CAST: variants seen among roughly 807,000 people sequenced by gnomAD.
The protein encoded by CAST is MIR583 host.
A neutral mutation model predicts 119.6 loss-of-function variants in CAST; 76 were observed. The observed-to-expected ratio is 0.64, with a 90% CI of 0.53 to 0.77. The LOEUF is 0.77. Among genes scored for constraint, CAST ranks in the 30% least tolerant of loss-of-function variants. The pLI is 0.00. For missense variants in CAST, 953 were observed against 946.5 expected (o/e 1.01, Z -0.09); for synonymous variants, 319 against 331.6 (o/e 0.96, Z 0.41).
At chr5:96,679,207 T>C (rs1751050195) in intron 2 of CAST, 2 of 152,184 alleles carry the variant, frequency 1.3e-5, no homozygotes, top group Non-Finnish European at 2.9e-5. Context: ...TTTGTCATGC[T>C]GCGTTTGAAA....
intron 1 of CAST, among the ~76,000 whole-genome samples, chr5:96,589,064 T>G (rs1746915126): frequency 6.6e-6 from 1 of 152,166 alleles, no homozygotes; most frequent in South Asian, 2.1e-4. Flanking sequence ...CTTTTCAAAT[T>G]TACTACCACA....
the CAST span, among the ~76,000 whole-genome samples, chr5:96,203,380 C>G: frequency 5.9e-5 from 9 of 151,846 alleles, no homozygotes; most frequent in African/African-American, 2.2e-4. Flanking sequence ...GTCTGTGGAT[C>G]CCTTCTCAGA....
At chr5:96,307,854 A>G in the CAST span, among the ~76,000 whole-genome samples, 2 of 152,140 alleles carry the variant, frequency 1.3e-5, no homozygotes, top group Non-Finnish European at 1.5e-5. Flanking sequence ...TTTGTGGGTA[A>G]CAAGACCTTT....
chr5:96,247,281 C>G, the CAST span, among the ~76,000 whole-genome samples: 1 of 152,208 alleles, frequency 6.6e-6, no homozygotes, highest in African/African-American at 2.4e-5. Context: ...GGATTCTGGG[C>G]AGAAGTCTGG....
chr5:96,743,774 G>T (rs753714211), intron 16 of CAST: 41 of 1,365,576 alleles, frequency 3.0e-5, no homozygotes, highest in South Asian at 2.0e-4. Flanking sequence ...AGGGAAACTT[G>T]ATTACAACAC....
the CAST span, among the ~76,000 whole-genome samples, chr5:96,475,712 G>C: frequency 6.6e-6 from 1 of 152,184 alleles, no homozygotes; most frequent in Admixed American, 6.5e-5. Flanking sequence ...ATGCCCTTCA[G>C]TGAAGGGATG....
the CAST span, among the ~76,000 whole-genome samples, chr5:96,351,179 A>G: frequency 3.9e-5 from 6 of 152,148 alleles, no homozygotes; most frequent in Non-Finnish European, 8.8e-5. Context: ...TTGATATAAA[A>G]ACACATAACA....
the CAST span, among the ~76,000 whole-genome samples, chr5:96,402,440 C>T: frequency 2.0e-5 from 3 of 152,290 alleles, no homozygotes; most frequent in Admixed American, 6.5e-5. Context: ...CAGGCCTCCT[C>T]GTGGAGAGAG....
chr5:96,407,503 A>C, the CAST span, among the ~76,000 whole-genome samples: 1 of 152,228 alleles, frequency 6.6e-6, no homozygotes, highest in Non-Finnish European at 1.5e-5. Context: ...AGGGAATATA[A>C]AATGGTATAG....
At chr5:96,743,731 T>C (rs748893649) in intron 16 of CAST, 85 of 1,602,494 alleles carry the variant, frequency 5.3e-5, no homozygotes, top group Non-Finnish European at 6.8e-5. Flanking sequence ...AAGCAGTTCG[T>C]ATCTTCCAGG....
At chr5:96,176,398 T>A in the CAST span, among the ~76,000 whole-genome samples, 3 of 152,240 alleles carry the variant, frequency 2.0e-5, no homozygotes, top group Non-Finnish European at 4.4e-5. Flanking sequence ...AAGTGCCTTA[T>A]GTGCTATGCA....
At chr5:96,717,516 TA>T (rs1757394612) in intron 3 of CAST, among the ~76,000 whole-genome samples, 1 of 152,214 alleles carries the variant, frequency 6.6e-6, no homozygotes, top group Non-Finnish European at 1.5e-5. Flanking sequence ...AACTTATCCT[TA>T]AAACGGCTAT....
the CAST span, among the ~76,000 whole-genome samples, chr5:96,509,530 C>G: frequency 6.6e-6 from 1 of 152,140 alleles, no homozygotes. Context: ...AAGCAGGATG[C>G]TTTGAGCTCT....
At chr5:96,683,870 T>C (rs942140806) in intron 2 of CAST, among the ~76,000 whole-genome samples, 4 of 152,244 alleles carry the variant, frequency 2.6e-5, no homozygotes, top group African/African-American at 9.6e-5. Flanking sequence ...AAATTCAGTT[T>C]GAATTCTGAG....
the CAST span, among the ~76,000 whole-genome samples, chr5:96,198,107 G>C: frequency 3.9e-5 from 6 of 152,226 alleles, no homozygotes; most frequent in South Asian, 1.2e-3. Flanking sequence ...AGGCGATGCT[G>C]CCTCTCCAGG....
the CAST span, among the ~76,000 whole-genome samples, chr5:96,372,709 C>T: frequency 6.6e-6 from 1 of 152,174 alleles, no homozygotes; most frequent in Non-Finnish European, 1.5e-5. Context: ...CCTGAGAATC[C>T]TGCCAGATTT....
At chr5:96,616,498 C>T (rs994064329) in intron 1 of CAST, among the ~76,000 whole-genome samples, 1 of 152,168 alleles carries the variant, frequency 6.6e-6, no homozygotes, top group Non-Finnish European at 1.5e-5. Flanking sequence ...ATTGATGTGG[C>T]ACAGACTGTA....
At chr5:95,987,142 G>C in the CAST span, among the ~76,000 whole-genome samples, 3 of 152,094 alleles carry the variant, frequency 2.0e-5, no homozygotes, top group African/African-American at 7.2e-5. Flanking sequence ...AGCTCCAGAA[G>C]CTGGAGCATT....
chr5:96,550,474 T>A (rs559150298), intron 1 of CAST, among the ~76,000 whole-genome samples: 1 of 151,990 alleles, frequency 6.6e-6, no homozygotes, highest in East Asian at 1.9e-4. Flanking sequence ...GAGCAGAAAG[T>A]CTAGAAATTC....
Sources: gnomAD v4.1 joint callset for allele counts (sites outside exome capture counted in the v4.1 genomes callset) on GRCh38, gnomAD v4.1.1 for gene constraint, MANE v1.5 for transcripts, NCBI Gene and HGNC (gene_info 2026-07-23, HGNC 2026-07-21) for gene names.